The following SH3GL2 variants were observed in gnomAD, a reference collection of about 807,000 sequenced individuals.
The protein encoded by SH3GL2 is endophilin-A1.
A neutral mutation model predicts 46.0 loss-of-function variants in SH3GL2; 24 were observed. The observed-to-expected ratio is 0.52, with a 90% confidence interval of 0.38 to 0.73. The LOEUF (loss-of-function observed/expected upper bound fraction) is 0.73. Ranked by LOEUF, SH3GL2 falls within the 30% of genes least tolerant of loss-of-function variation. The pLI, the probability that SH3GL2 is intolerant of heterozygous loss-of-function variation, is 0.00. For missense variants in SH3GL2, 413 were observed against 424.2 expected (o/e 0.97, Z 0.23); for synonymous variants, 196 against 147.1 (o/e 1.33, Z -2.40).
chr9:17,692,971 G>C (rs75191686), intron 1 of SH3GL2, among the ~76,000 whole-genome samples: 10,200 of 152,054 alleles, frequency 0.067, 544 homozygotes, highest in Admixed American at 0.17. Context: ...AGCAAGGGGA[G>C]AGACCAGCTA....
At chr9:17,765,541 T>A (rs993071233) in intron 3 of SH3GL2, among the ~76,000 whole-genome samples, 7 of 152,250 alleles carry the variant, frequency 4.6e-5, no homozygotes, top group African/African-American at 1.7e-4. Context: ...TCATATTATG[T>A]AAAACCCTTC....
At chr9:17,758,443 T>G (rs2131147161) in intron 2 of SH3GL2, among the ~76,000 whole-genome samples, 2 of 151,450 alleles carry the variant, frequency 1.3e-5, no homozygotes, top group Middle Eastern at 6.8e-3. Context: ...GTGCCTCTAG[T>G]CCCAGCTTCT....
At chr9:17,653,831 A>G (rs1420046099) in intron 1 of SH3GL2, 3 of 969,458 alleles carry the variant, frequency 3.1e-6, no homozygotes, top group African/African-American at 3.5e-5. Context: ...GAAGACAGAT[A>G]CTGCCTTGGT....
At chr9:17,658,377 T>C (rs760478882) in intron 1 of SH3GL2, among the ~76,000 whole-genome samples, 3 of 152,236 alleles carry the variant, frequency 2.0e-5, no homozygotes, top group African/African-American at 7.2e-5. Flanking sequence ...CAGGGACATA[T>C]TTTATTTTCC....
chr9:17,699,849 T>A (rs717374), intron 1 of SH3GL2, among the ~76,000 whole-genome samples: 130,350 of 152,262 alleles, frequency 0.86, 56,231 homozygotes, highest in African/African-American at 0.97. Flanking sequence ...AAGTGTCACG[T>A]TGAACACTTT....
rs566704021 is a variant in SH3GL2, at chr9:17,693,662, A to C, written c.46-53404A>C. On this transcript the variant is annotated intron_variant, in intron 1 of 8. Transcript: ENST00000380607. ...CATAAAACTGGACAGCAAAATTGCT[A>C]CCTGAAAATTTGTAATTCTTTTCCT... is the stretch of plus-strand genomic sequence containing the variant. Among the ~76,000 whole-genome samples, 5 of 152,308 alleles carry C rather than the reference A, an allele frequency of 3.3e-5. No homozygotes were observed. The South Asian group carries it at 1.0e-3, about 32-fold the overall frequency.
At position 17,672,348 on chromosome 9, in the gene SH3GL2, A is replaced by C. The variant is rs566032555; in HGVS notation, c.46-74718A>C. Among the ~76,000 whole-genome samples the C allele has an allele frequency of 2.4e-4, 37 of 152,258 alleles. 1 individual carries two copies. The South Asian group carries it at 4.2e-3, about 17-fold the overall frequency. ...TGTTAAGATGCCCTAAATGTAAATA[A>C]TTGATGGAGCAGAGACTAAAAGAAC... On this transcript the variant is annotated intron_variant, in intron 1 of 8. Coordinates refer to ENST00000380607, the MANE Select transcript of SH3GL2 (RefSeq NM_003026.5).
chr9:17,605,556 A>G (rs987529990), intron 1 of SH3GL2, among the ~76,000 whole-genome samples: 1 of 152,202 alleles, frequency 6.6e-6, no homozygotes, highest in African/African-American at 2.4e-5. Flanking sequence ...ATATAGTCCT[A>G]GTACCTGAGA....
At chr9:17,728,096 T>G (rs1326893972) in intron 1 of SH3GL2, among the ~76,000 whole-genome samples, 2 of 152,198 alleles carry the variant, frequency 1.3e-5, no homozygotes, top group African/African-American at 4.8e-5. Flanking sequence ...AATGTTTGCT[T>G]TTTAAAAGCT....
At chr9:17,667,770 G>A (rs1820382494) in intron 1 of SH3GL2, among the ~76,000 whole-genome samples, 1 of 152,084 alleles carries the variant, frequency 6.6e-6, no homozygotes, top group South Asian at 2.1e-4. Context: ...TTACAATTTT[G>A]GCAGTGCTTG....
intron 1 of SH3GL2, among the ~76,000 whole-genome samples, chr9:17,682,994 A>T (rs778130140): frequency 6.6e-6 from 1 of 152,158 alleles, no homozygotes; most frequent in Admixed American, 6.6e-5. Context: ...CAGATAGTAT[A>T]CAAAATGACT....
intron 1 of SH3GL2, among the ~76,000 whole-genome samples, chr9:17,580,260 C>T (rs1313216921): frequency 6.6e-6 from 1 of 152,110 alleles, no homozygotes; most frequent in Non-Finnish European, 1.5e-5. Context: ...AAATGTTTTT[C>T]ATGATTTGGT....
At chr9:17,753,405 A>G (rs953855268) in intron 2 of SH3GL2, among the ~76,000 whole-genome samples, 18 of 151,812 alleles carry the variant, frequency 1.2e-4, no homozygotes, top group African/African-American at 4.4e-4. Flanking sequence ...TGTGGTTTTG[A>G]TTTGTGTTTC....
intron 1 of SH3GL2, among the ~76,000 whole-genome samples, chr9:17,606,370 C>T (rs1303882226): frequency 6.6e-6 from 1 of 152,104 alleles, no homozygotes; most frequent in Admixed American, 6.6e-5. Flanking sequence ...GGATTACAGG[C>T]GTAAGCCACC....
chr9:17,729,815 C>G (rs946921620), intron 1 of SH3GL2, among the ~76,000 whole-genome samples: 86 of 152,162 alleles, frequency 5.7e-4, no homozygotes, highest in African/African-American at 2.0e-3. Context: ...GTTCATTGGT[C>G]TATATATCTG....
chr9:17,658,527 G>T (rs1255544671), intron 1 of SH3GL2, among the ~76,000 whole-genome samples: 1 of 152,194 alleles, frequency 6.6e-6, no homozygotes, highest in Non-Finnish European at 1.5e-5. Context: ...AATAGTAAAT[G>T]TGTACTGTAT....
chr9:17,639,176 T>C (rs1341771163), intron 1 of SH3GL2, among the ~76,000 whole-genome samples: 1 of 152,200 alleles, frequency 6.6e-6, no homozygotes, highest in Non-Finnish European at 1.5e-5. Flanking sequence ...TTAAAAGACA[T>C]GGAAGGCATG....
At chr9:17,737,087 C>T (rs937922230) in intron 1 of SH3GL2, among the ~76,000 whole-genome samples, 1 of 152,002 alleles carries the variant, frequency 6.6e-6, no homozygotes, top group Admixed American at 6.6e-5. Flanking sequence ...TCATTCTCAG[C>T]AAACTAACAC....
At chr9:17,768,782 G>C (rs10963261) in intron 3 of SH3GL2, among the ~76,000 whole-genome samples, 23,337 of 152,060 alleles carry the variant, frequency 0.15, 2,268 homozygotes, top group Middle Eastern at 0.26. Context: ...TGTCTTCTGA[G>C]GGCCAAGTCG....
Sources: gnomAD v4.1 joint callset for allele counts (sites outside exome capture counted in the v4.1 genomes callset) on GRCh38, gnomAD v4.1.1 for gene constraint, MANE v1.5 for transcripts, NCBI Gene and HGNC (gene_info 2026-07-23, HGNC 2026-07-21) for gene names.